MSH4: variants seen among roughly 807,000 people sequenced by gnomAD.
MSH4 encodes the protein mutS protein homolog 4.
A neutral mutation model predicts 113.7 loss-of-function variants in MSH4; 106 were observed. The observed-to-expected ratio is 0.93, with a 90% CI of 0.80 to 1.10. The LOEUF (loss-of-function observed/expected upper bound fraction) is 1.10. Among genes scored for constraint, MSH4 ranks in the 50% least tolerant of loss-of-function variants. The probability of loss-of-function intolerance (pLI) is 0.00; values close to 1 mark genes in which losing one functional copy is unlikely to be tolerated. For synonymous variants in MSH4, 368 were observed against 380.2 expected (o/e 0.97, Z 0.37); for missense variants, 1,061 against 1,093.7 (o/e 0.97, Z 0.42).
intron 10 of MSH4, among the ~76,000 whole-genome samples, chr1:75,877,225 C>T (rs886394668): frequency 6.6e-6 from 1 of 152,066 alleles, no homozygotes; most frequent in African/African-American, 2.4e-5. Context: ...ATTAGAATAG[C>T]ATGAAAACTT....
intron 16 of MSH4, 58 bp downstream of exon 16, chr1:75,889,427 G>C (rs1290751294): frequency 1.4e-6 from 1 of 714,980 alleles, no homozygotes; most frequent in Non-Finnish European, 2.3e-6. Flanking sequence ...CTAATGGCCA[G>C]TTATCACATA....
At chr1:75,879,244 C>T (rs1651880285) in intron 12 of MSH4, 116 bp downstream of exon 12, 5 of 849,196 alleles carry the variant, frequency 5.9e-6, no homozygotes, top group African/African-American at 1.7e-5. Flanking sequence ...TGTATCTTCT[C>T]CTATTCCTAC....
rs1260692509 is a variant in MSH4 at position 75,912,755 on chromosome 1, T to C, written c.2679T>C (p.Thr893=). The change falls in exon 20 of 20, where the codon ACT becomes ACC. Residue 893 remains threonine (T), a synonymous_variant. Transcript: ENST00000263187. The part of the protein sequence containing the change: ...ERQRAVYHLA[T]RLVQTARNSQ... ...AGAGAGCTGTGTACCATCTAGCCACTAGGCTTGTTCAAACTGCTCGAAACT... is the reference window on the plus strand; with the variant it reads ...AGAGAGCTGTGTACCATCTAGCCACCAGGCTTGTTCAAACTGCTCGAAACT... 1 of 1,592,230 alleles carries C rather than the reference T, an allele frequency of 6.3e-7. No individual in the cohort carries two copies.
At chr1:75,873,891 T>C (rs1029170993) in intron 9 of MSH4, among the ~76,000 whole-genome samples, 9 of 152,174 alleles carry the variant, frequency 5.9e-5, no homozygotes, top group African/African-American at 2.2e-4. Context: ...TTCGTGTGCA[T>C]TTGTCTTTAT....
At chr1:75,903,654 G>T (rs1356180434) in intron 19 of MSH4, among the ~76,000 whole-genome samples, 1 of 151,920 alleles carries the variant, frequency 6.6e-6, no homozygotes, top group Non-Finnish European at 1.5e-5. Context: ...TCCAATCAAT[G>T]AACACATTTA....
At chr1:75,861,990 C>A (rs1042705002) in intron 8 of MSH4, among the ~76,000 whole-genome samples, 1 of 152,124 alleles carries the variant, frequency 6.6e-6, no homozygotes, top group Non-Finnish European at 1.5e-5. Context: ...CAAGCCTCAG[C>A]AATGGCGGAC....
At chr1:75,892,074 G>A (rs1652268111) in intron 17 of MSH4, among the ~76,000 whole-genome samples, 1 of 152,138 alleles carries the variant, frequency 6.6e-6, no homozygotes, top group African/African-American at 2.4e-5. Context: ...CCTACCTAAT[G>A]TGGGTGGGTC....
intron 19 of MSH4, among the ~76,000 whole-genome samples, chr1:75,902,691 A>G (rs868162076): frequency 0.022 from 273 of 12,462 alleles, 11 homozygotes; most frequent in African/African-American, 0.069. Flanking sequence ...ATATATATAT[A>G]TATATATATA....
chr1:75,845,194 C>T (rs1278134139), intron 7 of MSH4, among the ~76,000 whole-genome samples: 1 of 152,222 alleles, frequency 6.6e-6, no homozygotes, highest in African/African-American at 2.4e-5. Flanking sequence ...CACTCTGCTC[C>T]TGGCTCCCTC....
intron 7 of MSH4, among the ~76,000 whole-genome samples, chr1:75,834,648 GA>G (rs1322593956): frequency 6.6e-6 from 1 of 152,204 alleles, no homozygotes; most frequent in Non-Finnish European, 1.5e-5. Context: ...GATGAAGCTG[GA>G]AACCATCATT....
At chr1:75,831,325 C>G (rs931121116) in intron 7 of MSH4, among the ~76,000 whole-genome samples, 10 of 152,104 alleles carry the variant, frequency 6.6e-5, no homozygotes, top group Admixed American at 3.9e-4. Flanking sequence ...CTTAGACTCC[C>G]ACACAATAAT....
chr1:75,807,125 A>G lies in MSH4; in HGVS notation c.572A>G (p.Asn191Ser). 6 of 1,565,356 alleles carry G rather than the reference A, an allele frequency of 3.8e-6. No homozygotes were observed. The highest frequency in any genetic ancestry group is 5.1e-6 in the Non-Finnish European group (6 of 1,165,264). ...PQIILSQFAD[N>S]TTYAKVITKL... ...ATTATACTATCCCAGTTTGCAGACA[A>G]CACAACATATGCAAAGGTAAGTATT... is the stretch of plus-strand genomic sequence containing the variant. Residue 191 changes from asparagine to serine, a missense_variant, in exon 3 of 20, where the codon AAC becomes AGC. By Grantham distance (46) the Asn-to-Ser change is conservative (BLOSUM62 1). Transcript: ENST00000263187.
Position 75,878,994 on chromosome 1 carries a change from A to G in MSH4, c.1543A>G (p.Met515Val). Residue 515 changes from methionine to valine, a missense_variant and splice_region_variant, in exon 12 of 20, where the codon ATG (methionine) becomes GTG (valine). Transcript: ENST00000263187. The part of the protein sequence containing the change: ...YTEIVDDIAG[M>V]ISQLGEKYSL... The stretch of plus-strand genomic sequence containing the variant: ...TTTTTCTTGTTTCTGGTCACCAGGA[A>G]TGATATCACAACTTGGAGAAAAATA... 1 of 1,604,302 alleles carries G rather than the reference A, an allele frequency of 6.2e-7. No homozygotes were observed. Among genetic ancestry groups the G allele is most frequent in the Non-Finnish European group, 8.5e-7 (1 of 1,174,270 alleles).
chr1:75,849,180 C>A (rs1228312376), intron 8 of MSH4, among the ~76,000 whole-genome samples: 1 of 152,148 alleles, frequency 6.6e-6, no homozygotes, highest in African/African-American at 2.4e-5. Context: ...GATCTGCCCA[C>A]CTCGGCCTCC....
chr1:75,813,497 A>G (rs1208195573), intron 4 of MSH4, among the ~76,000 whole-genome samples: 1 of 152,116 alleles, frequency 6.6e-6, no homozygotes, highest in African/African-American at 2.4e-5. Context: ...TTTTTTCATC[A>G]GTAAATTAGG....
chr1:75,902,012 T>C (rs1652515210), intron 19 of MSH4, among the ~76,000 whole-genome samples: 1 of 152,062 alleles, frequency 6.6e-6, no homozygotes, highest in African/African-American at 2.4e-5. Context: ...TTAATTCCTC[T>C]TCCTCCATCT....
intron 15 of MSH4, among the ~76,000 whole-genome samples, chr1:75,889,026 T>C (rs5745499): frequency 0.5 from 75,246 of 151,502 alleles, 19,489 homozygotes; most frequent in African/African-American, 0.64. Context: ...TCCCGAGTAG[T>C]TGGGACCACA....
At chr1:75,854,279 A>G (rs559921819) in intron 8 of MSH4, among the ~76,000 whole-genome samples, 18 of 151,846 alleles carry the variant, frequency 1.2e-4, no homozygotes, top group Middle Eastern at 3.4e-3. Context: ...AGGAATACCA[A>G]TCTCCTACTA....
At chr1:75,899,409 TGTGTCTTG>T (rs1652460402) in intron 18 of MSH4, among the ~76,000 whole-genome samples, 1 of 152,190 alleles carries the variant, frequency 6.6e-6, no homozygotes, top group Admixed American at 6.5e-5. Context: ...ATTTGCCCTA[TGTGTCTTG>T]GATAAGTAAT....
Sources: gnomAD v4.1 joint callset for allele counts (sites outside exome capture counted in the v4.1 genomes callset) on GRCh38, gnomAD v4.1.1 for gene constraint, MANE v1.5 for transcripts, NCBI Gene and HGNC (gene_info 2026-07-23, HGNC 2026-07-21) for gene names.